BCAS3: variants seen among roughly 807,000 people sequenced by gnomAD.
The protein encoded by BCAS3 is BCAS3 microtubule associated cell migration factor.
In BCAS3, 53 loss-of-function variants were observed where a neutral mutation model predicts 116.1. The observed-to-expected ratio is 0.46, with a 90% confidence interval of 0.37 to 0.57. The LOEUF (loss-of-function observed/expected upper bound fraction) is 0.57, where lower values mean the gene tolerates loss of function less well. BCAS3 is among the 20% of genes least tolerant of loss of function. The probability of loss-of-function intolerance (pLI) is 0.00; values close to 1 mark genes in which losing one functional copy is unlikely to be tolerated. For missense variants in BCAS3, 917 were observed against 1,165.4 expected (o/e 0.79, Z 3.10); for synonymous variants, 391 against 408.2 (o/e 0.96, Z 0.51).
intron 22 of BCAS3, among the ~76,000 whole-genome samples, chr17:61,246,863 A>G (rs2048015780): frequency 6.6e-6 from 1 of 151,276 alleles, no homozygotes; most frequent in African/African-American, 2.4e-5. Context: ...CAAAGCAATC[A>G]TGATGTTTTC....
chr17:61,122,999 T>C lies in BCAS3; in HGVS notation c.2425+38435T>C, dbSNP rs1297325809. 6.6e-6 allele frequency among the ~76,000 whole-genome samples: 1 copy of C among 150,796 alleles called. No homozygotes were observed. The highest frequency in any genetic ancestry group is 1.5e-5 in the Non-Finnish European group (1 of 67,808). On this transcript the variant is annotated intron_variant, in intron 22 of 23. Transcript: ENST00000407086. The surrounding 1 kb of genome is among the most constrained non-coding windows in gnomAD (Gnocchi z 4.6). ...TTTTGTTGCCCAGGCTGGAGTGCAA[T>C]GGTGCGATCTTGGCTCACTGCAACC...
intron 13 of BCAS3, among the ~76,000 whole-genome samples, chr17:60,931,219 A>C (rs759834196): frequency 1.1e-4 from 17 of 152,220 alleles, no homozygotes; most frequent in Non-Finnish European, 2.4e-4. Context: ...TGTTGCTCTC[A>C]GGGACAAAGT....
intron 4 of BCAS3, among the ~76,000 whole-genome samples, chr17:60,707,992 ACGATTTGG>A (rs1489841487): frequency 6.6e-6 from 1 of 152,130 alleles, no homozygotes; most frequent in African/African-American, 2.4e-5. Flanking sequence ...TTGCCTCAGA[ACGATTTGG>A]TGCTTATTCC....
chr17:61,003,367 A>T (rs2064399521), intron 15 of BCAS3, among the ~76,000 whole-genome samples: 1 of 134,622 alleles, frequency 7.4e-6, no homozygotes, highest in South Asian at 2.4e-4. Flanking sequence ...TGCTCCTTTT[A>T]TTATGCCCTC....
intron 22 of BCAS3, among the ~76,000 whole-genome samples, chr17:61,336,594 A>T (rs556213612): frequency 1.3e-5 from 2 of 152,202 alleles, no homozygotes; most frequent in Admixed American, 6.5e-5. Flanking sequence ...CACTGTGTTC[A>T]TGCCAAGCCT....
chr17:61,059,933 AGGACAATCT>A (rs1158918579), intron 19 of BCAS3, among the ~76,000 whole-genome samples: 2 of 152,018 alleles, frequency 1.3e-5, no homozygotes, highest in Non-Finnish European at 2.9e-5. Context: ...AGGCTGAGGC[AGGACAATCT>A]CTTGAACCTA....
chr17:61,369,357 A>C (rs576598567), intron 23 of BCAS3, among the ~76,000 whole-genome samples: 1 of 152,056 alleles, frequency 6.6e-6, no homozygotes, highest in South Asian at 2.1e-4. Flanking sequence ...TCCTCTCAAG[A>C]CTCTGTCACT....
intron 7 of BCAS3, among the ~76,000 whole-genome samples, chr17:60,856,466 A>T (rs1168914250): frequency 1.3e-5 from 2 of 152,174 alleles, no homozygotes; most frequent in Non-Finnish European, 2.9e-5. Context: ...AGGCAGGTGG[A>T]TTACATGAGG....
At chr17:60,690,765 A>G (rs931257568) in intron 4 of BCAS3, among the ~76,000 whole-genome samples, 1 of 151,580 alleles carries the variant, frequency 6.6e-6, no homozygotes. Context: ...TACTAAAAAT[A>G]CAAAATTAGT....
chr17:60,866,109 G>A (rs1440798372), intron 7 of BCAS3, among the ~76,000 whole-genome samples: 2 of 150,954 alleles, frequency 1.3e-5, no homozygotes, highest in African/African-American at 4.9e-5. Flanking sequence ...ACCTGGTTTT[G>A]TATTGCTGGA....
chr17:60,926,353 A>T (rs2059365460), intron 13 of BCAS3, among the ~76,000 whole-genome samples: 1 of 152,162 alleles, frequency 6.6e-6, no homozygotes, highest in Non-Finnish European at 1.5e-5. Context: ...CTTAAAATTG[A>T]TGGGAAAAGC....
At chr17:61,192,896 C>T (rs193216459) in intron 22 of BCAS3, among the ~76,000 whole-genome samples, 18 of 152,264 alleles carry the variant, frequency 1.2e-4, no homozygotes, top group South Asian at 4.1e-4. Context: ...TGGAGTTGTT[C>T]GCTGGCAATT....
At chr17:61,152,757 T>C (rs925250926) in intron 22 of BCAS3, among the ~76,000 whole-genome samples, 32 of 152,254 alleles carry the variant, frequency 2.1e-4, no homozygotes, top group Admixed American at 4.6e-4. Context: ...TCCTGGTCAT[T>C]CTCCTTCCTC....
chr17:61,159,786 T>C (rs1026381890), intron 22 of BCAS3, among the ~76,000 whole-genome samples: 3 of 152,200 alleles, frequency 2.0e-5, no homozygotes, highest in Admixed American at 2.0e-4. Context: ...AAGAAAAATC[T>C]GGTTTATCTG....
chr17:61,045,883 A>ATATTATATATATAT (rs2068059466), intron 19 of BCAS3, among the ~76,000 whole-genome samples: 1 of 44,212 alleles, frequency 2.3e-5, no homozygotes, highest in African/African-American at 3.9e-4. Context: ...ATAAATATAT[A>ATATTATATATATAT]TTATATATAT....
chr17:61,297,170 A>G (rs1036819985), intron 22 of BCAS3, among the ~76,000 whole-genome samples: 1 of 152,204 alleles, frequency 6.6e-6, no homozygotes, highest in Non-Finnish European at 1.5e-5. Flanking sequence ...CAGGGGCTCC[A>G]TGACAGTCAA....
intron 23 of BCAS3, among the ~76,000 whole-genome samples, chr17:61,370,548 C>A (rs1193150243): frequency 1.3e-5 from 2 of 152,124 alleles, no homozygotes; most frequent in Non-Finnish European, 2.9e-5. Flanking sequence ...GCTACCACGC[C>A]CAGCTAATTT....
At chr17:61,100,037 T>C (rs2074225971) in intron 22 of BCAS3, among the ~76,000 whole-genome samples, 1 of 152,154 alleles carries the variant, frequency 6.6e-6, no homozygotes. Context: ...GCGTCTTGAG[T>C]CTTAAACCTA....
intron 6 of BCAS3, among the ~76,000 whole-genome samples, chr17:60,773,604 T>C (rs2044969157): frequency 6.6e-6 from 1 of 151,948 alleles, no homozygotes; most frequent in South Asian, 2.1e-4. Flanking sequence ...ACTGTTGAGG[T>C]CTTTAACCTA....
Sources: gnomAD v4.1 joint callset for allele counts (sites outside exome capture counted in the v4.1 genomes callset) on GRCh38, gnomAD v4.1.1 for gene constraint, Gnocchi (gnomAD v3.1) non-coding constraint, MANE v1.5 for transcripts, NCBI Gene and HGNC (gene_info 2026-07-23, HGNC 2026-07-21) for gene names.